AMER3: variants seen among roughly 807,000 people sequenced by gnomAD.
The protein encoded by AMER3 is APC membrane recruitment protein 3, also known as family with sequence similarity 123C.
For missense variants in AMER3, 1,201 were observed against 1,139.4 expected (o/e 1.05, Z -0.78); for synonymous variants, 541 against 485.5 (o/e 1.11, Z -1.50).
chr2:130,761,975 T>G, intron 1 of AMER3, 79 bp from the exon 2 acceptor site: 1 of 1,327,952 alleles, frequency 7.5e-7, no homozygotes, highest in Non-Finnish European at 1.0e-6. Context: ...GTGAGCTGTG[T>G]GAGAGGGGTA....
At chr2:130,760,072 C>T (rs1021563610) in intron 1 of AMER3, among the ~76,000 whole-genome samples, 20 of 152,206 alleles carry the variant, frequency 1.3e-4, no homozygotes, top group Non-Finnish European at 2.5e-4. Flanking sequence ...AAGACTTAGG[C>T]ATACACCATC....
Position 130,764,388 on chromosome 2 carries a change from C to G in AMER3, c.2316C>G (p.Asp772Glu). The change falls in exon 2 of 2, where the codon GAC becomes GAG. Residue 772 changes from aspartate (D) to glutamate (E), a missense_variant. Coordinates refer to ENST00000321420, the MANE Select transcript of AMER3 (RefSeq NM_152698.3). Reference sequence around the variant, plus strand: ...TCCAGGCCTGGGCCTCTGTGGAGGACCAGCCCTTGCAGCTCAGCACAGAGG... The same window carrying G: ...TCCAGGCCTGGGCCTCTGTGGAGGAGCAGCCCTTGCAGCTCAGCACAGAGG... ...LGVQAWASVE[D>E]QPLQLSTEAV... 1 of 1,612,666 alleles carries G rather than the reference C, an allele frequency of 6.2e-7. No homozygotes were observed. Among genetic ancestry groups the G allele is most frequent in the South Asian group, 1.1e-5 (1 of 90,970 alleles).
rs142137838 is a variant in AMER3, at chr2:130,762,816, G to A, written c.744G>A (p.Thr248=). The stretch of plus-strand genomic sequence containing the variant: ...CACTCCAGAGCTTCGACTCGCTCAC[G>A]GGTTGTGGGGAGGTGTTCGCAGATG... ...VASLQSFDSL[T]GCGEVFADES... The change falls in exon 2 of 2, where the codon ACG becomes ACA. Residue 248 remains threonine, a synonymous_variant. Transcript: ENST00000321420. The A allele has an allele frequency of 8.0e-5, 129 of 1,613,306 alleles. No homozygotes were observed. The African/African-American group carries it at 1.5e-3, about 19-fold the overall frequency.
rs1416046761 is a variant in AMER3 at position 130,764,466 on chromosome 2, C to T, written c.2394C>T (p.Ala798=). Residue 798 remains alanine, a synonymous_variant, in exon 2 of 2, where the codon GCC becomes GCT. Transcript: ENST00000321420. ...AGCTGGACTCTGAGCCCCGCTCAGC[C>T]CCTGCTGCCCGGTGGAGTTCCCAGG... ...GSQLDSEPRS[A]PAARWSSQGH... 1 of 1,599,194 alleles carries T rather than the reference C, an allele frequency of 6.3e-7. No homozygotes were observed. The highest frequency in any genetic ancestry group is 8.5e-7 in the Non-Finnish European group (1 of 1,173,582).
chr2:130,756,266 T>A (rs986390476), intron 1 of AMER3: 5 of 147,518 alleles, frequency 3.4e-5, no homozygotes, highest in Admixed American at 2.7e-4. Context: ...GGCCTCCCCC[T>A]CCCGGCCGCG....
chr2:130,758,225 G>A (rs1486507758), intron 1 of AMER3, among the ~76,000 whole-genome samples: 8 of 151,022 alleles, frequency 5.3e-5, no homozygotes, highest in Non-Finnish European at 7.4e-5. Flanking sequence ...TTAACTGGGC[G>A]TGGTGGTGCG....
chr2:130,757,324 A>T (rs1678642547), intron 1 of AMER3, among the ~76,000 whole-genome samples: 1 of 152,198 alleles, frequency 6.6e-6, no homozygotes, highest in Non-Finnish European at 1.5e-5. Context: ...AGGTGCACAG[A>T]CAGAGGAGTC....
Position 130,762,555 on chromosome 2 carries a change from G to A in AMER3, c.483G>A (p.Arg161=). ...TGAAGAGGCCCAAGAAGTGCTTTCG[G>A]AACCTATTCCACATTCGGAGAAACA... is the stretch of plus-strand genomic sequence containing the variant. ...ISLKRPKKCF[R]NLFHIRRNKT... is the part of the protein sequence containing the mutation. Residue 161 remains arginine (R), a synonymous_variant, in exon 2 of 2, where the codon CGG becomes CGA. Coordinates refer to ENST00000321420, the MANE Select transcript of AMER3 (RefSeq NM_152698.3). 1 of 1,613,472 alleles carries A rather than the reference G, an allele frequency of 6.2e-7. No homozygotes were observed. Among genetic ancestry groups the A allele is most frequent in the South Asian group, 1.1e-5 (1 of 91,082 alleles).
rs2104778171 is a variant in AMER3, at chr2:130,761,964, A to G, written c.-19-90A>G. The G allele has an allele frequency of 3.3e-6, 4 of 1,216,816 alleles. No homozygotes were observed. In the East Asian group the frequency reaches 1.0e-4, roughly 31 times the overall value. The allele number at this position is 1,216,816 out of a possible 1,614,324, so 75.4% of individuals were successfully genotyped here. ...TCCTGGGACAGAGGCCCCTGCAGAG[A>G]GTGAGCTGTGTGAGAGGGGTAGGCA... On this transcript the variant is annotated intron_variant, in intron 1 of 1. Coordinates refer to ENST00000321420, the MANE Select transcript of AMER3 (RefSeq NM_152698.3).
In AMER3 at chr2:130,762,615, G is replaced by A. The variant is rs777695178; in HGVS notation, c.543G>A (p.Gly181=). Residue 181 remains glycine (G), a synonymous_variant, in exon 2 of 2, where the codon GGG becomes GGA. Transcript: ENST00000321420. Reference sequence around the variant, plus strand: ...ACTTGGCCTCGCTGGCGGCCGAGGGGAAAAGCCTGCCCTCCCCAGGGGACC... The same window carrying A: ...ACTTGGCCTCGCTGGCGGCCGAGGGAAAAAGCCTGCCCTCCCCAGGGGACC... ...TEDLASLAAE[G]KSLPSPGDPS... 1.9e-6 allele frequency: 3 copies of A among 1,612,422 alleles called. No homozygotes were observed. In the Admixed American group the frequency reaches 5.0e-5, roughly 27 times the overall value.
At chr2:130,756,823 C>T (rs1441769160) in intron 1 of AMER3, among the ~76,000 whole-genome samples, 2 of 151,724 alleles carry the variant, frequency 1.3e-5, no homozygotes, top group Non-Finnish European at 2.9e-5. Flanking sequence ...CCCACCCCCA[C>T]CCCAGAGCAC....
Position 130,764,374 on chromosome 2 carries a change from G to T in AMER3, c.2302G>T (p.Ala768Ser). ...CACCGGGCTAGGTGTCCAGGCCTGGGCCTCTGTGGAGGACCAGCCCTTGCA... is the reference window on the plus strand; with the variant it reads ...CACCGGGCTAGGTGTCCAGGCCTGGTCCTCTGTGGAGGACCAGCCCTTGCA... ...EPTGLGVQAW[A>S]SVEDQPLQLS... The change falls in exon 2 of 2, where the codon GCC becomes TCC. Residue 768 changes from alanine to serine, a missense_variant. Physicochemically the swap from Ala to Ser is moderately conservative, Grantham distance 99. Coordinates refer to ENST00000321420, the MANE Select transcript of AMER3 (RefSeq NM_152698.3). 3.7e-6 allele frequency: 6 copies of T among 1,612,732 alleles called. No homozygotes were observed. The highest frequency in any genetic ancestry group is 5.1e-6 in the Non-Finnish European group (6 of 1,179,632).
chr2:130,755,887 T>A (rs1678588355), intron 1 of AMER3: 1 of 151,802 alleles, frequency 6.6e-6, no homozygotes. Flanking sequence ...CTCTCTGGGC[T>A]GAGGGGGAGG....
Position 130,763,783 on chromosome 2 carries a change from C to G in AMER3, c.1711C>G (p.His571Asp). 2.5e-6 allele frequency: 4 copies of G among 1,605,944 alleles called. No homozygotes were observed. The highest frequency in any genetic ancestry group is 3.4e-6 in the Non-Finnish European group (4 of 1,176,126). ...ACCCAGCAGGCAGGAGCTGTGGGCA[C>G]ACCCGGGCACCACAGGCCTGCTCGC... ...SAPSRQELWAHPGTTGLLAGE... is the reference protein window; with the variant it reads ...SAPSRQELWADPGTTGLLAGE... Residue 571 changes from histidine (H) to aspartate (D), a missense_variant, in exon 2 of 2, where the codon CAC becomes GAC. His to Asp is a moderately conservative substitution (Grantham distance 81, BLOSUM62 -1). Coordinates refer to ENST00000321420, the MANE Select transcript of AMER3 (RefSeq NM_152698.3).
At position 130,762,348 on chromosome 2, in the gene AMER3, C is replaced by T; in HGVS notation, c.276C>T (p.Cys92=). 1 of 1,611,892 alleles carries T rather than the reference C, an allele frequency of 6.2e-7. No homozygotes were observed. Among genetic ancestry groups the T allele is most frequent in the Non-Finnish European group, 8.5e-7 (1 of 1,179,586 alleles). Reference sequence around the variant, plus strand: ...CCACCTTCAAACCGGTGCGAAAGTGCAAGACTCACGACAGCATGTCTGGGG... The same window carrying T: ...CCACCTTCAAACCGGTGCGAAAGTGTAAGACTCACGACAGCATGTCTGGGG... ...CGATFKPVRK[C]KTHDSMSGAG... is the part of the protein sequence containing the mutation. Residue 92 remains cysteine (C), a synonymous_variant, in exon 2 of 2, where the codon TGC becomes TGT. Coordinates refer to ENST00000321420, the MANE Select transcript of AMER3 (RefSeq NM_152698.3).
Position 130,762,698 on chromosome 2 carries a change from G to A in AMER3, c.626G>A (p.Gly209Glu). 2 of 1,611,524 alleles carry A rather than the reference G, an allele frequency of 1.2e-6. No individual in the cohort carries two copies. The highest frequency in any genetic ancestry group is 1.1e-5 in the South Asian group (1 of 91,042). ...TTCCTCCCCCCGGGTGAGGGGCCGGGGCTGGACGGCCTGTGCCAGGACCTG... is the reference window on the plus strand; with the variant it reads ...TTCCTCCCCCCGGGTGAGGGGCCGGAGCTGGACGGCCTGTGCCAGGACCTG... ...KAFLPPGEGP[G>E]LDGLCQDLLD... The change falls in exon 2 of 2, where the codon GGG becomes GAG. Residue 209 changes from glycine to glutamate, a missense_variant. Coordinates refer to ENST00000321420, the MANE Select transcript of AMER3 (RefSeq NM_152698.3).
intron 1 of AMER3, among the ~76,000 whole-genome samples, chr2:130,760,660 G>T (rs532099231): frequency 1.3e-5 from 2 of 152,262 alleles, no homozygotes; most frequent in East Asian, 3.9e-4. Context: ...GAAAGGTGGA[G>T]ACCCTGGCAG....
chr2:130,755,683 C>T lies in AMER3; in HGVS notation c.-20+9C>T, dbSNP rs1169402193. ...CCAGTAGACCCCACACAGTGAGTAC[C>T]TGTAGGGCAAGTGCCTCTTTCGTTC... On this transcript the variant is annotated intron_variant, in intron 1 of 1. Transcript: ENST00000321420. The T allele has an allele frequency of 6.6e-6, 1 of 152,450 alleles. No individual in the cohort carries two copies. 9.4% of individuals were successfully genotyped at this position (152,450 alleles called of 1,614,324 possible).
rs147731545 is a variant in AMER3, at chr2:130,763,764, C to T, written c.1692C>T (p.Ser564=). Residue 564 remains serine, a synonymous_variant, in exon 2 of 2, where the codon AGC becomes AGT. Coordinates refer to ENST00000321420, the MANE Select transcript of AMER3 (RefSeq NM_152698.3). The part of the protein sequence containing the change: ...AGGATVCSAP[S]RQELWAHPGT... Reference sequence around the variant, plus strand: ...GGGCGACAGTTTGCTCAGCACCCAGCAGGCAGGAGCTGTGGGCACACCCGG... The same window carrying T: ...GGGCGACAGTTTGCTCAGCACCCAGTAGGCAGGAGCTGTGGGCACACCCGG... The T allele has an allele frequency of 2.5e-5, 40 of 1,598,252 alleles. No homozygotes were observed. Among genetic ancestry groups the T allele is most frequent in the Non-Finnish European group, 3.2e-5 (37 of 1,172,254 alleles).
Sources: gnomAD v4.1 joint callset for allele counts (sites outside exome capture counted in the v4.1 genomes callset) on GRCh38, gnomAD v4.1.1 for gene constraint, MANE v1.5 for transcripts, NCBI Gene and HGNC (gene_info 2026-07-23, HGNC 2026-07-21) for gene names.